The following NAALADL2 variants were observed in gnomAD, a reference collection of about 807,000 sequenced individuals.
The protein encoded by NAALADL2 is inactive N-acetylated-alpha-linked acidic dipeptidase-like protein 2.
NAALADL2 carries 76 observed loss-of-function variants against 87.2 expected under a neutral mutation model. That is an observed-to-expected ratio of 0.87 (90% CI 0.72 to 1.05). The LOEUF is 1.05. Among genes scored for constraint, NAALADL2 ranks in the 50% least tolerant of loss-of-function variants. The pLI, the probability that NAALADL2 is intolerant of heterozygous loss-of-function variation, is 0.00. For missense variants in NAALADL2, 1,089 were observed against 945.8 expected (o/e 1.15, Z -1.99); for synonymous variants, 354 against 331.0 (o/e 1.07, Z -0.75).
At chr3:174,500,304 G>A (rs1718803433) in intron 1 of NAALADL2, among the ~76,000 whole-genome samples, 1 of 151,972 alleles carries the variant, frequency 6.6e-6, no homozygotes. Context: ...TCATTTATTT[G>A]TAATAGCCAT....
chr3:175,524,141 C>A (rs777283779), intron 9 of NAALADL2, among the ~76,000 whole-genome samples: 1 of 152,068 alleles, frequency 6.6e-6, no homozygotes, highest in South Asian at 2.1e-4. Context: ...GGAAAATCTA[C>A]GATTTTAGGA....
Position 175,102,305 on chromosome 3 carries a change from G to C in NAALADL2, c.545+5014G>C, listed in dbSNP as rs1722348946. ...GGAGTTCCAATTTGTGTAGTTGTTTGCTTTGTGTCACCAAATGGTCTTGCA... is the reference window on the plus strand; with the variant it reads ...GGAGTTCCAATTTGTGTAGTTGTTTCCTTTGTGTCACCAAATGGTCTTGCA... On this transcript the variant is annotated intron_variant, in intron 2 of 13. Transcript: ENST00000454872. Among the ~76,000 whole-genome samples, 3 of 152,144 alleles carry C rather than the reference G, an allele frequency of 2.0e-5. No individual in the cohort carries two copies. The South Asian group carries it at 6.2e-4, about 31-fold the overall frequency.
intron 2 of NAALADL2, among the ~76,000 whole-genome samples, chr3:174,675,108 T>C (rs776156137): frequency 6.6e-6 from 1 of 152,158 alleles, no homozygotes; most frequent in African/African-American, 2.4e-5. Flanking sequence ...ATTTGCTTTA[T>C]ATTAAATTGC....
chr3:175,345,331 G>A (rs1763040062), intron 5 of NAALADL2, among the ~76,000 whole-genome samples: 1 of 151,982 alleles, frequency 6.6e-6, no homozygotes, highest in Admixed American at 6.6e-5. Context: ...CTCAGTGAAT[G>A]TTTGTTAAAT....
intron 1 of NAALADL2, among the ~76,000 whole-genome samples, chr3:174,906,724 A>G (rs1733015539): frequency 6.6e-6 from 1 of 152,152 alleles, no homozygotes; most frequent in African/African-American, 2.4e-5. Flanking sequence ...ACCTTGATCC[A>G]GAAGCTCCCA....
At chr3:175,424,204 A>AGGTTG (rs1371890888) in intron 5 of NAALADL2, among the ~76,000 whole-genome samples, 1 of 152,120 alleles carries the variant, frequency 6.6e-6, no homozygotes, top group Non-Finnish European at 1.5e-5. Context: ...CCCATTCTGT[A>AGGTTG]GGTTGCCTGT....
intron 1 of NAALADL2, among the ~76,000 whole-genome samples, chr3:174,888,154 A>G (rs567110618): frequency 2.0e-5 from 3 of 152,342 alleles, no homozygotes; most frequent in South Asian, 2.1e-4. Flanking sequence ...AGCAAGAGAC[A>G]AGACCTTGAA....
chr3:175,287,854 T>G (rs897093945), intron 4 of NAALADL2, among the ~76,000 whole-genome samples: 4 of 152,210 alleles, frequency 2.6e-5, no homozygotes, highest in Non-Finnish European at 5.9e-5. Context: ...TTCTACATCA[T>G]TGCAAGTGAA....
At chr3:174,605,499 T>C (rs898584279) in intron 2 of NAALADL2, among the ~76,000 whole-genome samples, 2 of 152,142 alleles carry the variant, frequency 1.3e-5, no homozygotes, top group Admixed American at 1.3e-4. Flanking sequence ...TAAAAAACGG[T>C]GCACCAGGAG....
chr3:175,764,372 G>C (rs921830755), intron 13 of NAALADL2, among the ~76,000 whole-genome samples: 1 of 151,624 alleles, frequency 6.6e-6, no homozygotes. Flanking sequence ...TAATTTGAGG[G>C]ACAGTATATG....
In NAALADL2 at chr3:174,863,009, A is replaced by G. The variant is rs145338601; in HGVS notation, c.43+3559A>G. Among the ~76,000 whole-genome samples the G allele has an allele frequency of 3.5e-3, 537 of 152,162 alleles. 3 individuals carry two copies. Among genetic ancestry groups the G allele is most frequent in the Middle Eastern group, 0.02 (6 of 294 alleles). ...TCTAGATAGCAACCAGCAGGAGATA[A>G]CTCTTCAACCCACTGAAGGAGAATT... On this transcript the variant is annotated intron_variant, in intron 1 of 13. Transcript: ENST00000454872.
chr3:174,880,754 T>C (rs1729092970), intron 1 of NAALADL2, among the ~76,000 whole-genome samples: 2 of 152,202 alleles, frequency 1.3e-5, no homozygotes, highest in Non-Finnish European at 2.9e-5. Flanking sequence ...TTCAGGCTGC[T>C]GTAACACATT....
chr3:174,882,877 A>T (rs1490275982), intron 1 of NAALADL2, among the ~76,000 whole-genome samples: 1 of 149,196 alleles, frequency 6.7e-6, no homozygotes, highest in East Asian at 2.0e-4. Context: ...GTATATGTGT[A>T]TATGTGTATA....
chr3:174,615,399 G>C (rs1411454205), intron 2 of NAALADL2, among the ~76,000 whole-genome samples: 3 of 152,120 alleles, frequency 2.0e-5, no homozygotes, highest in African/African-American at 7.2e-5. Flanking sequence ...AATTGATAGA[G>C]GTGGTTTTTC....
rs555579718 is a variant in NAALADL2 at position 174,691,543 on chromosome 3, C to T, written c.-114-46098C>T. 3.9e-5 allele frequency among the ~76,000 whole-genome samples: 6 copies of T among 152,206 alleles called. No homozygotes were observed. The South Asian group carries it at 1.2e-3, about 32-fold the overall frequency. On this transcript the variant is annotated intron_variant, in intron 2 of 3. Transcript: ENST00000434257. ...TTGGCTGAAGGTTGATGGCTGCTGA[C>T]TAACCAGAGTCATAGTTGCTGAAGG...
intron 11 of NAALADL2, among the ~76,000 whole-genome samples, chr3:175,636,878 A>C (rs1728638350): frequency 6.6e-6 from 1 of 152,158 alleles, no homozygotes; most frequent in Admixed American, 6.5e-5. Context: ...ATTTTAAGAC[A>C]CAGTTTCTTC....
intron 3 of NAALADL2, among the ~76,000 whole-genome samples, chr3:174,798,341 G>T (rs1360937178): frequency 9.2e-5 from 14 of 152,166 alleles, no homozygotes; most frequent in African/African-American, 3.1e-4. Flanking sequence ...TATATTTATG[G>T]GGTTTGAAAT....
chr3:175,531,287 T>C lies in NAALADL2; in HGVS notation c.1654-44754T>C, dbSNP rs1582275953. On this transcript the variant is annotated intron_variant, in intron 9 of 13. Transcript: ENST00000454872. ...ACTAGGCATTGTGCCTCTTTCTTGG[T>C]CATAGGAGGGGCCAAATGCAGCAGC... Among the ~76,000 whole-genome samples the C allele has an allele frequency of 1.3e-5, 2 of 152,166 alleles. 1 individual carries two copies. Among genetic ancestry groups the C allele is most frequent in the East Asian group, 3.9e-4 (2 of 5,156 alleles).
At chr3:174,765,035 CAA>C (rs1254215734) in intron 3 of NAALADL2, among the ~76,000 whole-genome samples, 1 of 150,794 alleles carries the variant, frequency 6.6e-6, no homozygotes, top group Non-Finnish European at 1.5e-5. Flanking sequence ...TAAAATAATA[CAA>C]AGAGACACTA....
Sources: allele counts gnomAD v4.1 joint callset (sites outside exome capture counted in the v4.1 genomes callset), GRCh38; gene constraint gnomAD v4.1.1; transcripts MANE v1.5; gene names NCBI Gene and HGNC (gene_info 2026-07-23, HGNC 2026-07-21).